The following KDM4C variants were observed in gnomAD, a reference collection of about 807,000 sequenced individuals.
KDM4C encodes the protein lysine demethylase 4C, also known as lysine-specific demethylase 4C.
Under a neutral mutation model 129.3 loss-of-function variants are expected in KDM4C, and 81 were observed. The ratio of observed to expected loss-of-function variants is 0.63; its 90% confidence interval spans 0.52 to 0.75. KDM4C has a LOEUF of 0.75. Among genes scored for constraint, KDM4C ranks in the 30% least tolerant of loss-of-function variants. KDM4C has a pLI of 0.00. For missense variants in KDM4C, 1,457 were observed against 1,304.0 expected (o/e 1.12, Z -1.81); for synonymous variants, 573 against 456.1 (o/e 1.26, Z -3.26).
At chr9:7,170,008 C>T in intron 21 of KDM4C, 118 bp downstream of exon 21, 2 of 1,555,794 alleles carry the variant, frequency 1.3e-6, no homozygotes, top group Non-Finnish European at 1.7e-6. Context: ...TAAAAAAAGC[C>T]AATGCAACAT....
intron 8 of KDM4C, among the ~76,000 whole-genome samples, chr9:6,970,348 A>ACTGTAATT (rs1831745825): frequency 6.6e-6 from 1 of 152,234 alleles, no homozygotes; most frequent in Non-Finnish European, 1.5e-5. Flanking sequence ...CTTACTTATG[A>ACTGTAATT]ACCTTGGTCA....
chr9:6,974,393 T>G (rs1368119489), intron 8 of KDM4C, among the ~76,000 whole-genome samples: 1 of 152,210 alleles, frequency 6.6e-6, no homozygotes, highest in African/African-American at 2.4e-5. Context: ...GGAGTCTTAC[T>G]CTGTCGTCCA....
At chr9:6,900,730 G>A (rs745966012) in intron 8 of KDM4C, among the ~76,000 whole-genome samples, 1 of 152,348 alleles carries the variant, frequency 6.6e-6, no homozygotes, top group African/African-American at 2.4e-5. Flanking sequence ...TAGTGCAACC[G>A]TCGTTAACTC....
At chr9:6,938,707 G>A (rs1223354411) in intron 8 of KDM4C, among the ~76,000 whole-genome samples, 1 of 152,158 alleles carries the variant, frequency 6.6e-6, no homozygotes, top group Non-Finnish European at 1.5e-5. Flanking sequence ...TGGTTTGTCA[G>A]TCTTCTGTTG....
Position 7,078,943 on chromosome 9 carries a change from C to G in KDM4C, c.2425-24742C>G, listed in dbSNP as rs150715508. On this transcript the variant is annotated intron_variant, in intron 17 of 21. Coordinates refer to ENST00000381309, the MANE Select transcript of KDM4C (RefSeq NM_015061.6). ...TACAAAGCAAAGTTTGCTTATACAT[C>G]AGTGCCCAGGTTTTTATTGAGGGCT... is the stretch of plus-strand genomic sequence containing the variant. Among the ~76,000 whole-genome samples the G allele has an allele frequency of 3.0e-3, 452 of 152,288 alleles. 4 individuals are homozygous for G. Among genetic ancestry groups the G allele is most frequent in the African/African-American group, 0.01 (423 of 41,552 alleles).
chr9:7,074,116 G>C lies in KDM4C; in HGVS notation c.2424+24916G>C, dbSNP rs190104222. ...TACTTTATAGAGAAAAAGGATGTCA[G>C]TATTGAGCTTATTTCCTAACATCTG... is the stretch of plus-strand genomic sequence containing the variant. On this transcript the variant is annotated intron_variant, in intron 17 of 21. Transcript: ENST00000381309. 1.9e-3 allele frequency among the ~76,000 whole-genome samples: 291 copies of C among 152,206 alleles called. 4 individuals carry two copies. The highest frequency in any genetic ancestry group is 6.4e-3 in the African/African-American group (267 of 41,540).
intron 17 of KDM4C, among the ~76,000 whole-genome samples, chr9:7,103,122 T>G (rs950009903): frequency 1.5e-4 from 23 of 152,228 alleles, no homozygotes; most frequent in African/African-American, 5.3e-4. Flanking sequence ...TTGTCAGTCA[T>G]GAAGGGTTCA....
rs189724709 is a variant in KDM4C, at chr9:6,904,132, G to A, written c.921+10900G>A. ...TGGGTACATGTAATCCCAGCTACTT[G>A]GGAGGCTGAGGCAGGAGAATTGCTT... On this transcript the variant is annotated intron_variant, in intron 8 of 21. Coordinates refer to ENST00000381309, the MANE Select transcript of KDM4C (RefSeq NM_015061.6). 2.6e-3 allele frequency among the ~76,000 whole-genome samples: 398 copies of A among 152,170 alleles called. 1 individual carries two copies. The highest frequency in any genetic ancestry group is 4.9e-3 in the Non-Finnish European group (336 of 68,012).
chr9:6,942,880 A>AT (rs959818421), intron 8 of KDM4C, among the ~76,000 whole-genome samples: 7 of 151,940 alleles, frequency 4.6e-5, no homozygotes, highest in Non-Finnish European at 5.9e-5. Context: ...TATTATTATT[A>AT]TTTTTTGAGA....
intron 21 of KDM4C, among the ~76,000 whole-genome samples, chr9:7,172,546 C>A (rs1196595003): frequency 6.6e-6 from 1 of 152,150 alleles, no homozygotes; most frequent in Non-Finnish European, 1.5e-5. Flanking sequence ...ATGAATGAAA[C>A]AAAAGTGTTT....
At chr9:7,149,173 C>T (rs959586437) in intron 19 of KDM4C, among the ~76,000 whole-genome samples, 3 of 152,258 alleles carry the variant, frequency 2.0e-5, no homozygotes, top group Admixed American at 1.3e-4. Context: ...AAATGTCAGC[C>T]TCAGAACTAG....
At chr9:7,122,261 A>ACTCTCTCTCTCTCTCT (rs747083483) in intron 18 of KDM4C, among the ~76,000 whole-genome samples, 19 of 137,232 alleles carry the variant, frequency 1.4e-4, no homozygotes, top group Admixed American at 8.7e-4. Context: ...ACACACACAC[A>ACTCTCTCTCTCTCTCT]CACACTCTCT....
At chr9:6,878,361 G>A (rs1336455730) in intron 5 of KDM4C, among the ~76,000 whole-genome samples, 7 of 152,154 alleles carry the variant, frequency 4.6e-5, no homozygotes, top group Admixed American at 6.5e-5. Context: ...TTGAGACACT[G>A]TCTTCCATCT....
At chr9:7,097,921 C>T (rs1024179478) in intron 17 of KDM4C, among the ~76,000 whole-genome samples, 1 of 152,184 alleles carries the variant, frequency 6.6e-6, no homozygotes, top group Admixed American at 6.5e-5. Context: ...ATTAAGGGAA[C>T]ATTCATATGG....
At chr9:6,791,445 G>T (rs961212460) in intron 1 of KDM4C, among the ~76,000 whole-genome samples, 4 of 152,142 alleles carry the variant, frequency 2.6e-5, no homozygotes, top group Non-Finnish European at 1.5e-5. Flanking sequence ...TCAGCCTCTA[G>T]ACAGTTTGGA....
chr9:7,056,750 T>C (rs1405492670), intron 17 of KDM4C, among the ~76,000 whole-genome samples: 2 of 152,234 alleles, frequency 1.3e-5, no homozygotes, highest in Non-Finnish European at 2.9e-5. Context: ...AAGAGTATTG[T>C]GAAAAAGTAA....
intron 8 of KDM4C, among the ~76,000 whole-genome samples, chr9:6,894,425 A>G (rs1846535562): frequency 1.3e-5 from 2 of 152,184 alleles, no homozygotes. Context: ...ACTTTGGCCA[A>G]CCACTGCATT....
At chr9:6,766,263 G>A (rs1820604519) in intron 1 of KDM4C, among the ~76,000 whole-genome samples, 1 of 152,052 alleles carries the variant, frequency 6.6e-6, no homozygotes, top group African/African-American at 2.4e-5. Context: ...TCTGAAATGA[G>A]CATTTACTTT....
chr9:7,136,925 G>T (rs1376826593), intron 19 of KDM4C, among the ~76,000 whole-genome samples: 2 of 152,118 alleles, frequency 1.3e-5, no homozygotes, highest in African/African-American at 4.8e-5. Flanking sequence ...TTTTTCCTCA[G>T]AGCTCTAGCA....
Sources: allele counts gnomAD v4.1 joint callset (sites outside exome capture counted in the v4.1 genomes callset), GRCh38; gene constraint gnomAD v4.1.1; transcripts MANE v1.5; gene names NCBI Gene and HGNC (gene_info 2026-07-23, HGNC 2026-07-21).